The following CAGE1 variants were observed in gnomAD, a reference collection of about 807,000 sequenced individuals.
CAGE1 encodes cancer antigen 1, also known as cancer-associated gene 1 protein.
In CAGE1, 66 loss-of-function variants were observed where a neutral mutation model predicts 94.9. The ratio of observed to expected loss-of-function variants is 0.70; its 90% CI spans 0.57 to 0.85. The LOEUF is 0.85. CAGE1 is among the 40% of genes least tolerant of loss of function. CAGE1 has a pLI of 0.00. For missense variants in CAGE1, 865 were observed against 950.4 expected (o/e 0.91, Z 1.18); for synonymous variants, 319 against 321.0 (o/e 0.99, Z 0.07).
intron 3 of CAGE1, among the ~76,000 whole-genome samples, chr6:7,380,439 C>A (rs968650253): frequency 2.0e-5 from 3 of 152,070 alleles, no homozygotes; most frequent in Admixed American, 1.3e-4. Flanking sequence ...GAATTCGAGA[C>A]CAGCCTGGTC....
chr6:7,330,943 C>G (rs991921033), intron 12 of CAGE1, among the ~76,000 whole-genome samples: 1 of 152,060 alleles, frequency 6.6e-6, no homozygotes, highest in Non-Finnish European at 1.5e-5. Context: ...TTAAAATAAG[C>G]CTAGGAAAAA....
At chr6:7,375,269 C>A (rs1172958812) in intron 4 of CAGE1, among the ~76,000 whole-genome samples, 1 of 151,704 alleles carries the variant, frequency 6.6e-6, no homozygotes, top group Middle Eastern at 3.4e-3. Context: ...ATTAGCTGCG[C>A]GTGGCGGTGT....
chr6:7,345,117 C>T (rs1001692188), intron 11 of CAGE1, among the ~76,000 whole-genome samples: 9 of 150,994 alleles, frequency 6.0e-5, no homozygotes, highest in African/African-American at 9.8e-5. Flanking sequence ...TTGCTGTTTG[C>T]TCTTTAGATC....
At chr6:7,352,305 A>C (rs867815367) in intron 11 of CAGE1, among the ~76,000 whole-genome samples, 4 of 112,922 alleles carry the variant, frequency 3.5e-5, no homozygotes, top group East Asian at 2.9e-4. Context: ...AAAAAAAAAA[A>C]CAAAAAAAAA....
intron 7 of CAGE1, among the ~76,000 whole-genome samples, chr6:7,367,278 A>ATTTTTTTTT (rs70978961): frequency 0.29 from 30,821 of 106,766 alleles, 4,056 homozygotes; most frequent in East Asian, 0.32. Context: ...TATTTGGGGG[A>ATTTTTTTTT]TTTTTTTTTT....
chr6:7,372,049 G>C (rs1484528557), intron 5 of CAGE1, among the ~76,000 whole-genome samples: 1 of 152,164 alleles, frequency 6.6e-6, no homozygotes, highest in African/African-American at 2.4e-5. Context: ...TTATGGTTCT[G>C]ATGCTGTTCT....
At chr6:7,380,420 T>G (rs1021575125) in intron 3 of CAGE1, among the ~76,000 whole-genome samples, 2 of 152,134 alleles carry the variant, frequency 1.3e-5, no homozygotes, top group African/African-American at 4.8e-5. Context: ...GTGGATCACC[T>G]GAGGTCAGGA....
chr6:7,348,954 A>C (rs1561854401), intron 11 of CAGE1, among the ~76,000 whole-genome samples: 3 of 152,258 alleles, frequency 2.0e-5, no homozygotes, highest in Admixed American at 2.0e-4. Flanking sequence ...GTTCCTGAGG[A>C]AGAAGAGAAA....
Position 7,371,255 on chromosome 6 carries a change from G to A in CAGE1, c.1747-1190C>T, listed in dbSNP as rs1017590685. On this transcript the variant is annotated intron_variant, in intron 5 of 13. Transcript: ENST00000502583. ...GCCAGCAATCTGTGCTTTAACAAGC[G>A]TTTTAGGGAATTTTGAAGAATGTTC... Among the ~76,000 whole-genome samples the A allele has an allele frequency of 1.1e-4, 17 of 152,102 alleles. No individual in the cohort carries two copies. The South Asian group carries it at 1.4e-3, about 13-fold the overall frequency.
chr6:7,367,432 G>A (rs1004611860), intron 7 of CAGE1, among the ~76,000 whole-genome samples: 3 of 151,810 alleles, frequency 2.0e-5, no homozygotes, highest in East Asian at 1.9e-4. Flanking sequence ...GTGCCACCAC[G>A]CCTGGCTAAT....
intron 9 of CAGE1, among the ~76,000 whole-genome samples, chr6:7,358,080 A>C (rs1760043134): frequency 7.8e-6 from 1 of 127,970 alleles, no homozygotes. Flanking sequence ...ATGCCTCCAA[A>C]ACCATCACCA....
At position 7,355,070 on chromosome 6, in the gene CAGE1, C is replaced by T; in HGVS notation, c.2340G>A (p.Arg780=). 2 of 1,608,842 alleles carry T rather than the reference C, an allele frequency of 1.2e-6. No individual in the cohort carries two copies. Among genetic ancestry groups the T allele is most frequent in the Non-Finnish European group, 1.7e-6 (2 of 1,177,154 alleles). The change falls in exon 11 of 14, where the codon AGG becomes AGA. Residue 780 remains arginine (R), a synonymous_variant. Transcript: ENST00000502583. Reference sequence around the variant, plus strand: ...CAATCTGGGAGTGGGATATTGCAAGCCTTTGGTCAGCACATTCAATGATTT... The same window carrying T: ...CAATCTGGGAGTGGGATATTGCAAGTCTTTGGTCAGCACATTCAATGATTT... ...YEEIIECADQ[R]LAISHSQIAH... is the part of the protein sequence containing the mutation.
At chr6:7,337,829 T>G (rs945261234) in intron 11 of CAGE1, among the ~76,000 whole-genome samples, 2 of 152,240 alleles carry the variant, frequency 1.3e-5, no homozygotes, top group Non-Finnish European at 2.9e-5. Flanking sequence ...CTTTCAGCTA[T>G]TCTATGCCTT....
chr6:7,341,096 A>T, intron 11 of CAGE1: 1 of 539,782 alleles, frequency 1.9e-6, no homozygotes. Context: ...GGGATCTCCA[A>T]TGCCTTTAGC....
At chr6:7,353,496 A>G (rs182964136) in intron 11 of CAGE1, among the ~76,000 whole-genome samples, 13 of 152,296 alleles carry the variant, frequency 8.5e-5, no homozygotes, top group South Asian at 4.1e-4. Context: ...GAGATTCCTT[A>G]AAGAGCTAAA....
At chr6:7,351,868 C>T (rs941993146) in intron 11 of CAGE1, among the ~76,000 whole-genome samples, 3 of 152,092 alleles carry the variant, frequency 2.0e-5, no homozygotes, top group Non-Finnish European at 4.4e-5. Flanking sequence ...AACTGGCATA[C>T]AAGGGACATA....
rs776748203 is a variant in CAGE1 at position 7,373,383 on chromosome 6, G to T, written c.1436C>A (p.Ala479Asp). 3.1e-6 allele frequency: 5 copies of T among 1,613,656 alleles called. No individual in the cohort carries two copies. In the East Asian group the frequency reaches 8.9e-5, roughly 29 times the overall value. Residue 479 changes from alanine to aspartate, a missense_variant, in exon 5 of 14, where the codon GCC becomes GAC. Coordinates refer to ENST00000502583, the MANE Select transcript of CAGE1 (RefSeq NM_001170692.2). ...TAAAGACAAGAACTCTTGTTCTTGGGCCTCTTTTTCCCGTTTCAACAAGTC... is the reference window on the plus strand; with the variant it reads ...TAAAGACAAGAACTCTTGTTCTTGGTCCTCTTTTTCCCGTTTCAACAAGTC... ...ALDLLKREKEAQEQEFLSLQE... is the reference protein window; with the variant it reads ...ALDLLKREKEDQEQEFLSLQE...
chr6:7,339,083 GTC>G lies in CAGE1; in HGVS notation c.2370-4995_2370-4994del. ...CAGTGTCAACGTAGTAGTTAACAGGGTCTCTGCTGTGGATCATCAGGCCGTCC... is the reference window on the plus strand; with the variant it reads ...CAGTGTCAACGTAGTAGTTAACAGGGTCTGCTGTGGATCATCAGGCCGTCC... On this transcript the variant is annotated intron_variant, in intron 11 of 13. Coordinates refer to ENST00000502583, the MANE Select transcript of CAGE1 (RefSeq NM_001170692.2). This position sits in a 1 kb window ranked among gnomAD's most constrained non-coding sequence, Gnocchi z 4.7. 6.3e-7 allele frequency: 1 copy of G among 1,598,862 alleles called. No homozygotes were observed. Among genetic ancestry groups the G allele is most frequent in the Non-Finnish European group, 8.6e-7 (1 of 1,166,952 alleles).
chr6:7,345,588 A>G (rs1194212539), intron 11 of CAGE1, among the ~76,000 whole-genome samples: 1 of 152,202 alleles, frequency 6.6e-6, no homozygotes, highest in East Asian at 1.9e-4. Flanking sequence ...TGTCACTAAT[A>G]GCTTTCATAG....
Sources: allele counts gnomAD v4.1 joint callset (sites outside exome capture counted in the v4.1 genomes callset), GRCh38; gene constraint gnomAD v4.1.1; non-coding constraint Gnocchi (gnomAD v3.1); transcripts MANE v1.5; gene names NCBI Gene and HGNC (gene_info 2026-07-23, HGNC 2026-07-21).